KAZN: variants seen among roughly 807,000 people sequenced by gnomAD.
The protein encoded by KAZN is kazrin.
In KAZN, 40 loss-of-function variants were observed where a neutral mutation model predicts 87.4. That is an observed-to-expected ratio of 0.46 (90% CI 0.36 to 0.60). The LOEUF (loss-of-function observed/expected upper bound fraction) is 0.60, where lower values mean the gene tolerates loss of function less well. Among genes scored for constraint, KAZN ranks in the 20% least tolerant of loss-of-function variants. The probability of loss-of-function intolerance (pLI) is 0.00; values close to 1 mark genes in which losing one functional copy is unlikely to be tolerated. For synonymous variants in KAZN, 466 were observed against 458.3 expected (o/e 1.02, Z -0.22); for missense variants, 898 against 1,073.9 (o/e 0.84, Z 2.29).
At chr1:14,458,770 G>A (rs1466046637) in intron 2 of KAZN, among the ~76,000 whole-genome samples, 1 of 152,200 alleles carries the variant, frequency 6.6e-6, no homozygotes, top group African/African-American at 2.4e-5. Flanking sequence ...TGGGGTCAGA[G>A]ACTCCGTGCC....
At chr1:14,196,336 C>A (rs1356011468) in intron 2 of KAZN, among the ~76,000 whole-genome samples, 4 of 152,118 alleles carry the variant, frequency 2.6e-5, no homozygotes, top group African/African-American at 4.8e-5. Context: ...GTAACCTGTA[C>A]AATAGGGCCT....
chr1:14,553,762 C>T (rs920433296), intron 2 of KAZN, among the ~76,000 whole-genome samples: 5 of 152,160 alleles, frequency 3.3e-5, no homozygotes, highest in Non-Finnish European at 7.3e-5. Flanking sequence ...TCCCAACCAC[C>T]GGGTGGTTGT....
At position 14,243,302 on chromosome 1, in the gene KAZN, G is replaced by A. The variant is rs969270860; in HGVS notation, c.249+62710G>A. 4.6e-5 allele frequency among the ~76,000 whole-genome samples: 7 copies of A among 152,286 alleles called. No individual in the cohort carries two copies. In the East Asian group the frequency reaches 1.4e-3, roughly 29 times the overall value. ...GAAGAATCAGGCTCTCTGATGACTAGCAGGTTTCTAGTCGGGCCCTACCCT... is the reference window on the plus strand; with the variant it reads ...GAAGAATCAGGCTCTCTGATGACTAACAGGTTTCTAGTCGGGCCCTACCCT... On this transcript the variant is annotated intron_variant, in intron 2 of 16. Transcript: ENST00000636203.
intron 1 of KAZN, 37 bp from the exon 2 acceptor site, chr1:14,960,647 C>T (rs369850331): frequency 7.1e-5 from 110 of 1,539,274 alleles, no homozygotes; most frequent in Middle Eastern, 1.7e-4. Context: ...GCGGCAGAGA[C>T]GTTCCTGTCC....
intron 1 of KAZN, among the ~76,000 whole-genome samples, chr1:13,936,902 TG>T (rs1570329325): frequency 6.6e-6 from 1 of 152,220 alleles, no homozygotes; most frequent in East Asian, 1.9e-4. Context: ...CCATTACAAC[TG>T]TGCAAGATGG....
intron 2 of KAZN, among the ~76,000 whole-genome samples, chr1:14,397,948 A>T (rs545115825): frequency 6.6e-6 from 1 of 151,802 alleles, no homozygotes. Context: ...TTCCTCCTGC[A>T]TTGCAGAATA....
intron 1 of KAZN, among the ~76,000 whole-genome samples, chr1:14,915,209 G>T (rs534451854): frequency 6.6e-6 from 1 of 152,142 alleles, no homozygotes; most frequent in Non-Finnish European, 1.5e-5. Flanking sequence ...AAAAAGAAAA[G>T]AAAATGAGCT....
intron 1 of KAZN, among the ~76,000 whole-genome samples, chr1:14,064,357 C>A (rs74057008): frequency 6.6e-6 from 1 of 151,868 alleles, no homozygotes; most frequent in Non-Finnish European, 1.5e-5. Flanking sequence ...ACTGAAGTAC[C>A]GTCACCAGAA....
At position 14,698,204 on chromosome 1, in the gene KAZN, C is replaced by A. The variant is rs12082245; in HGVS notation, c.226+98981C>A. The stretch of plus-strand genomic sequence containing the variant: ...CCACATGTTAAAGGTTCTCCTCTGG[C>A]ACATGCAGCTTTGATTTCAGCTTCA... On this transcript the variant is annotated intron_variant, in intron 1 of 14. Coordinates refer to ENST00000376030, the MANE Select transcript of KAZN (RefSeq NM_201628.3). Among the ~76,000 whole-genome samples the A allele has an allele frequency of 7.9e-3, 1,198 of 152,300 alleles. 17 individuals carry two copies. The highest frequency in any genetic ancestry group is 0.027 in the African/African-American group (1,110 of 41,570).
chr1:15,092,409 A>G (rs544234241), intron 8 of KAZN, among the ~76,000 whole-genome samples: 3 of 151,834 alleles, frequency 2.0e-5, no homozygotes, highest in Admixed American at 6.6e-5. Flanking sequence ...GTTGTTTCTC[A>G]TGGTATTGAG....
chr1:14,381,434 A>G (rs554642475), intron 2 of KAZN, among the ~76,000 whole-genome samples: 166 of 152,322 alleles, frequency 1.1e-3, no homozygotes, highest in African/African-American at 3.7e-3. Flanking sequence ...TGAACAAAAC[A>G]CTAGAAAACC....
intron 2 of KAZN, among the ~76,000 whole-genome samples, chr1:14,481,532 C>A (rs1464535535): frequency 6.6e-6 from 1 of 152,124 alleles, no homozygotes; most frequent in East Asian, 1.9e-4. Flanking sequence ...TACATGATTC[C>A]TAAAATACCT....
chr1:14,929,332 T>C (rs1033085850), intron 1 of KAZN, among the ~76,000 whole-genome samples: 2 of 152,234 alleles, frequency 1.3e-5, no homozygotes, highest in African/African-American at 4.8e-5. Flanking sequence ...AGCTGCTTAT[T>C]TGGCTTTCTG....
At chr1:14,254,496 T>C (rs72865776) in intron 2 of KAZN, among the ~76,000 whole-genome samples, 3,427 of 152,166 alleles carry the variant, frequency 0.023, 130 homozygotes, top group African/African-American at 0.077. Context: ...AGCCTCAATA[T>C]AGTGGGGTGA....
intron 2 of KAZN, among the ~76,000 whole-genome samples, chr1:14,586,572 A>G (rs1441871416): frequency 7.3e-6 from 1 of 137,122 alleles, no homozygotes; most frequent in Non-Finnish European, 1.5e-5. Context: ...TCTGTTGCTC[A>G]GGTGCTGGAG....
At chr1:14,225,238 T>G (rs189822299) in intron 2 of KAZN, among the ~76,000 whole-genome samples, 51 of 152,276 alleles carry the variant, frequency 3.3e-4, no homozygotes, top group African/African-American at 1.2e-3. Context: ...ATGAGCCACA[T>G]TTCTATACAT....
In KAZN at chr1:15,066,839, C is replaced by T; in HGVS notation, c.1222+1086C>T. On this transcript the variant is annotated intron_variant, in intron 8 of 14. Coordinates refer to ENST00000376030, the MANE Select transcript of KAZN (RefSeq NM_201628.3). The surrounding 1 kb of genome is among the most constrained non-coding windows in gnomAD (Gnocchi z 4.3). Reference sequence around the variant, plus strand: ...TTCTCTCTCTGTCTCTCCCATTCTCCTGCCCATGCATGAAAGGATCCTCCA... The same window carrying T: ...TTCTCTCTCTGTCTCTCCCATTCTCTTGCCCATGCATGAAAGGATCCTCCA... The T allele has an allele frequency of 3.0e-6, 3 of 985,514 alleles. No individual in the cohort carries two copies. The highest frequency in any genetic ancestry group is 2.4e-6 in the Non-Finnish European group (2 of 829,998). 61.0% of individuals were successfully genotyped at this position (985,514 alleles called of 1,614,324 possible).
intron 8 of KAZN, among the ~76,000 whole-genome samples, chr1:15,088,353 C>T (rs774433983): frequency 1.9e-4 from 29 of 152,158 alleles, no homozygotes; most frequent in Non-Finnish European, 4.0e-4. Context: ...TGGTCACACT[C>T]AGTAGTACTA....
chr1:13,936,118 G>T (rs1640731941), intron 1 of KAZN, among the ~76,000 whole-genome samples: 2 of 9,526 alleles, frequency 2.1e-4, no homozygotes, highest in South Asian at 0.013. Context: ...TTTTGAGACA[G>T]AGTTTCAAGC....
Sources: allele counts gnomAD v4.1 joint callset (sites outside exome capture counted in the v4.1 genomes callset), GRCh38; gene constraint gnomAD v4.1.1; non-coding constraint Gnocchi (gnomAD v3.1); transcripts MANE v1.5; gene names NCBI Gene and HGNC (gene_info 2026-07-23, HGNC 2026-07-21).